Variants in CCR1 observed in about 807,000 individuals in gnomAD.
CCR1 encodes the protein C-C chemokine receptor type 1.
A neutral mutation model predicts 0.3 loss-of-function variants in CCR1; 1 was observed. That is an observed-to-expected ratio of 3.70 (90% CI 1.31 to 17.54). CCR1 has a LOEUF of 17.54. Ranked by LOEUF, CCR1 falls within the 30% of genes most tolerant of loss-of-function variation. The pLI is 0.11. For synonymous variants in CCR1, 207 were observed against 182.5 expected (o/e 1.13, Z -1.08); for missense variants, 349 against 435.4 (o/e 0.80, Z 1.77).
At chr3:46,205,504 T>G (rs992578095) in intron 1 of CCR1, among the ~76,000 whole-genome samples, 3 of 152,166 alleles carry the variant, frequency 2.0e-5, no homozygotes, top group Non-Finnish European at 4.4e-5. Flanking sequence ...CAAAAAAGAA[T>G]CACTCTGTAG....
rs1239001837 is a variant in CCR1 at position 46,203,542 on chromosome 3, T to G, written c.772A>C (p.Thr258Pro). The change falls in exon 2 of 2, where the codon ACT becomes CCT. Residue 258 changes from threonine to proline, a missense_variant. Coordinates refer to ENST00000296140, the MANE Select transcript of CCR1 (RefSeq NM_001295.3). This position sits in a 1 kb window ranked among gnomAD's most constrained non-coding sequence, Gnocchi z 4.5. ...TCTTGGAAAACAGAAATAAGTATAG[T>G]CAAATTGTAGGGGGTCCAAAAGAGA... is the stretch of plus-strand genomic sequence containing the variant. The part of the protein sequence containing the change: ...FFLFWTPYNL[T>P]ILISVFQDFL... 1.2e-6 allele frequency: 2 copies of G among 1,613,860 alleles called. No individual in the cohort carries two copies. The highest frequency in any genetic ancestry group is 3.3e-5 in the Admixed American group (2 of 59,986).
Position 46,204,319 on chromosome 3 carries a change from C to T in CCR1, c.-6G>A, listed in dbSNP as rs1699627890. ...GTGGTGTTTGGAGTTTCCATCCCGG[C>T]TTCTCCTACAGGTTAAAAAAAAAAA... is the stretch of plus-strand genomic sequence containing the variant. On this transcript the variant is annotated 5_prime_UTR_variant, in exon 2 of 2. Transcript: ENST00000296140. 1 of 1,538,818 alleles carries T rather than the reference C, an allele frequency of 6.5e-7. No individual in the cohort carries two copies. The highest frequency in any genetic ancestry group is 8.7e-7 in the Non-Finnish European group (1 of 1,143,888).
In CCR1 at chr3:46,204,041, G is replaced by A. The variant is rs570245777; in HGVS notation, c.273C>T (p.Ile91=). 9 of 1,614,168 alleles carry A rather than the reference G, an allele frequency of 5.6e-6. No homozygotes were observed. Among genetic ancestry groups the A allele is most frequent in the African/African-American group, 4.0e-5 (3 of 75,020 alleles). Residue 91 remains isoleucine, a synonymous_variant, in exon 2 of 2, where the codon ATC becomes ATT. Coordinates refer to ENST00000296140, the MANE Select transcript of CCR1 (RefSeq NM_001295.3). ...LLFLFTLPFW[I]DYKLKDDWVF... ...CCCAGTCATCCTTCAACTTGTAGTC[G>A]ATCCAGAAGGGAAGCGTGAACAGGA... is the stretch of plus-strand genomic sequence containing the variant.
chr3:46,204,556 G>A (rs1012770478), intron 1 of CCR1, among the ~76,000 whole-genome samples: 1 of 152,112 alleles, frequency 6.6e-6, no homozygotes, highest in Non-Finnish European at 1.5e-5. Context: ...ATAAGTAAAT[G>A]AGTGCACAAA....
Position 46,203,267 on chromosome 3 carries a change from A to G in CCR1, c.1047T>C (p.His349=). ...VSSTSPSTGE[H]ELSAGF ...TGAGTCAGAACCCAGCAGAGAGTTC[A>G]TGCTCCCCTGTGGAGGGAGATGTGG... The change falls in exon 2 of 2, where the codon CAT becomes CAC. Residue 349 remains histidine, a synonymous_variant. Transcript: ENST00000296140. This position sits in a 1 kb window ranked among gnomAD's most constrained non-coding sequence, Gnocchi z 4.5. 4 of 1,613,702 alleles carry G rather than the reference A, an allele frequency of 2.5e-6. No individual in the cohort carries two copies. Among genetic ancestry groups the G allele is most frequent in the Non-Finnish European group, 3.4e-6 (4 of 1,179,740 alleles).
Position 46,203,790 on chromosome 3 carries a change from T to C in CCR1, c.524A>G (p.Gln175Arg). 1 of 1,614,074 alleles carries C rather than the reference T, an allele frequency of 6.2e-7. No homozygotes were observed. The highest frequency in any genetic ancestry group is 8.5e-7 in the Non-Finnish European group (1 of 1,180,002). ...SMPGLYFSKTQWEFTHHTCSL... is the reference protein window; with the variant it reads ...SMPGLYFSKTRWEFTHHTCSL... ...GCAGGTGTGGTGAGTGAATTCCCAT[T>C]GGGTCTTGGAAAAGTATAAGCCTGG... The change falls in exon 2 of 2, where the codon CAA (glutamine) becomes CGA (arginine). Residue 175 changes from glutamine (Q) to arginine (R), a missense_variant. Coordinates refer to ENST00000296140, the MANE Select transcript of CCR1 (RefSeq NM_001295.3). This position sits in a 1 kb window ranked among gnomAD's most constrained non-coding sequence, Gnocchi z 4.5.
chr3:46,203,746 C>T lies in CCR1; in HGVS notation c.568G>A (p.Glu190Lys), dbSNP rs370179296. ...HHTCSLHFPH[E>K]SLREWKLFQA... ...AACAGCTTCCACTCTCGTAGGCTTTCGTGAGGAAAGTGAAGGCTGCAGGTG... is the reference window on the plus strand; with the variant it reads ...AACAGCTTCCACTCTCGTAGGCTTTTGTGAGGAAAGTGAAGGCTGCAGGTG... The change falls in exon 2 of 2, where the codon GAA (glutamate) becomes AAA (lysine). Residue 190 changes from glutamate to lysine, a missense_variant. Coordinates refer to ENST00000296140, the MANE Select transcript of CCR1 (RefSeq NM_001295.3). The surrounding 1 kb of genome is among the most constrained non-coding windows in gnomAD (Gnocchi z 4.5). 9 of 1,613,948 alleles carry T rather than the reference C, an allele frequency of 5.6e-6. No individual in the cohort carries two copies. The highest frequency in any genetic ancestry group is 7.6e-6 in the Non-Finnish European group (9 of 1,180,008).
intron 1 of CCR1, among the ~76,000 whole-genome samples, chr3:46,207,642 C>A (rs934894629): frequency 2.6e-5 from 3 of 115,608 alleles, no homozygotes; most frequent in African/African-American, 9.4e-5. Flanking sequence ...GGGAATTTGG[C>A]AAGCAATTTT....
rs1439362542 is a variant in CCR1, at chr3:46,203,543, C to G, written c.771G>C (p.Leu257Phe). The change falls in exon 2 of 2, where the codon TTG becomes TTC. Residue 257 changes from leucine to phenylalanine, a missense_variant. Physicochemically the swap from Leu to Phe is conservative, Grantham distance 22. Coordinates refer to ENST00000296140, the MANE Select transcript of CCR1 (RefSeq NM_001295.3). This position sits in a 1 kb window ranked among gnomAD's most constrained non-coding sequence, Gnocchi z 4.5. Reference sequence around the variant, plus strand: ...CTTGGAAAACAGAAATAAGTATAGTCAAATTGTAGGGGGTCCAAAAGAGAA... The same window carrying G: ...CTTGGAAAACAGAAATAAGTATAGTGAAATTGTAGGGGGTCCAAAAGAGAA... ...IFFLFWTPYN[L>F]TILISVFQDF... The G allele has an allele frequency of 6.2e-7, 1 of 1,614,066 alleles. No homozygotes were observed. Among genetic ancestry groups the G allele is most frequent in the Admixed American group, 1.7e-5 (1 of 60,024 alleles).
In CCR1 at chr3:46,203,929, T is replaced by C. The variant is rs763369579; in HGVS notation, c.385A>G (p.Ile129Val). The change falls in exon 2 of 2, where the codon ATT becomes GTT. Residue 129 changes from isoleucine to valine, a missense_variant. By Grantham distance (29) the Ile-to-Val change is conservative. Coordinates refer to ENST00000296140, the MANE Select transcript of CCR1 (RefSeq NM_001295.3). This position sits in a 1 kb window ranked among gnomAD's most constrained non-coding sequence, Gnocchi z 4.5. ...TGGACGATGGCCAGGTACCTGTCAA[T>C]CGTCAGCAGGATGATGAAAAAGATC... ...SEIFFIILLT[I>V]DRYLAIVHAV... 1 of 1,614,124 alleles carries C rather than the reference T, an allele frequency of 6.2e-7. No individual in the cohort carries two copies. The highest frequency in any genetic ancestry group is 1.1e-5 in the South Asian group (1 of 91,070).
intron 1 of CCR1, among the ~76,000 whole-genome samples, chr3:46,206,168 C>T (rs1013379469): frequency 1.3e-5 from 2 of 152,168 alleles, no homozygotes; most frequent in Non-Finnish European, 2.9e-5. Flanking sequence ...CTTCCTTCTA[C>T]TCTCCTTAAG....
intron 1 of CCR1, among the ~76,000 whole-genome samples, chr3:46,205,934 C>T (rs1400903733): frequency 6.6e-6 from 1 of 152,116 alleles, no homozygotes; most frequent in Non-Finnish European, 1.5e-5. Flanking sequence ...CCCTGGCTGG[C>T]TGGTATACCC....
chr3:46,204,345 A>AG, intron 1 of CCR1, 21 bp from the exon 2 acceptor site: 1 of 1,453,554 alleles, frequency 6.9e-7, no homozygotes, highest in Non-Finnish European at 9.2e-7. Flanking sequence ...AAAAAAAAAA[A>AG]AAGATTTGTC....
rs1699598030 is a variant in CCR1, at chr3:46,201,823, T to C, written c.*1423A>G. On this transcript the variant is annotated 3_prime_UTR_variant, in exon 2 of 2. Coordinates refer to ENST00000296140, the MANE Select transcript of CCR1 (RefSeq NM_001295.3). ...TCCATCATTGTTATTATCATAAATATGCACCCAACAAAAAACAAACTAAAA... is the reference window on the plus strand; with the variant it reads ...TCCATCATTGTTATTATCATAAATACGCACCCAACAAAAAACAAACTAAAA... 1 of 152,140 alleles carries C rather than the reference T, an allele frequency of 6.6e-6. No homozygotes were observed. Among genetic ancestry groups the C allele is most frequent in the African/African-American group, 2.4e-5 (1 of 41,426 alleles). The allele number at this position is 152,140 out of a possible 1,614,324, so 9.4% of individuals were successfully genotyped here. A position where few individuals can be genotyped will look rare whatever the true frequency, so the allele number is the denominator to read the frequency against.
rs181920971 is a variant in CCR1, at chr3:46,203,359, G to C, written c.955C>G (p.Arg319Gly). 4.3e-6 allele frequency: 7 copies of C among 1,614,068 alleles called. No homozygotes were observed. The Admixed American group carries it at 1.2e-4, about 27-fold the overall frequency. The change falls in exon 2 of 2, where the codon CGT becomes GGT. Residue 319 changes from arginine (R) to glycine (G), a missense_variant. Arg to Gly is a moderately radical substitution (Grantham distance 125, BLOSUM62 -2). Transcript: ENST00000296140. The surrounding 1 kb of genome is among the most constrained non-coding windows in gnomAD (Gnocchi z 4.5). Reference protein sequence around the residue: ...RKYLRQLFHRRVAVHLVKWLP... With the variant: ...RKYLRQLFHRGVAVHLVKWLP... ...CATTTAACCAGGTGCACAGCCACAC[G>C]CCTGTGGAACAACTGCCGCAGGTAC...
rs1330694261 is a variant in CCR1 at position 46,203,930 on chromosome 3, C to T, written c.384G>A (p.Thr128=). 14 of 1,614,114 alleles carry T rather than the reference C, an allele frequency of 8.7e-6. No homozygotes were observed. Among genetic ancestry groups the T allele is most frequent in the South Asian group, 2.2e-5 (2 of 91,058 alleles). The change falls in exon 2 of 2, where the codon ACG becomes ACA. Residue 128 remains threonine (T), a synonymous_variant. Transcript: ENST00000296140. This position sits in a 1 kb window ranked among gnomAD's most constrained non-coding sequence, Gnocchi z 4.5. ...YSEIFFIILL[T]IDRYLAIVHA... ...GGACGATGGCCAGGTACCTGTCAAT[C>T]GTCAGCAGGATGATGAAAAAGATCT...
In CCR1 at chr3:46,203,377, G is replaced by A. The variant is rs745406212; in HGVS notation, c.937C>T (p.Arg313Trp). 12 of 1,613,938 alleles carry A rather than the reference G, an allele frequency of 7.4e-6. No homozygotes were observed. Among genetic ancestry groups the A allele is most frequent in the East Asian group, 2.2e-5 (1 of 44,884 alleles). The change falls in exon 2 of 2, where the codon CGG (arginine) becomes TGG (tryptophan). Residue 313 changes from arginine to tryptophan, a missense_variant. Arg to Trp is a moderately radical substitution (Grantham distance 101). Coordinates refer to ENST00000296140, the MANE Select transcript of CCR1 (RefSeq NM_001295.3). This position sits in a 1 kb window ranked among gnomAD's most constrained non-coding sequence, Gnocchi z 4.5. The stretch of plus-strand genomic sequence containing the variant: ...GCCACACGCCTGTGGAACAACTGCC[G>A]CAGGTACTTCCGGAACCTCTCACCA... ...FVGERFRKYLRQLFHRRVAVH... is the reference protein window; with the variant it reads ...FVGERFRKYLWQLFHRRVAVH...
At chr3:46,207,828 A>T (rs1699660234) in intron 1 of CCR1, among the ~76,000 whole-genome samples, 1 of 152,014 alleles carries the variant, frequency 6.6e-6, no homozygotes, top group South Asian at 2.1e-4. Context: ...TTTTTAGTAG[A>T]GACAGGGTTT....
Position 46,203,855 on chromosome 3 carries a change from G to A in CCR1, c.459C>T (p.Thr153=). The change falls in exon 2 of 2, where the codon ACC becomes ACT. Residue 153 remains threonine (T), a synonymous_variant. Transcript: ENST00000296140. This position sits in a 1 kb window ranked among gnomAD's most constrained non-coding sequence, Gnocchi z 4.5. ...TGGCCAGGGCCCAAATGATGATGCTGGTGATGACACCAAAAGTGACGGTCC... is the reference window on the plus strand; with the variant it reads ...TGGCCAGGGCCCAAATGATGATGCTAGTGATGACACCAAAAGTGACGGTCC... ...RARTVTFGVI[T]SIIIWALAIL... 6.2e-7 allele frequency: 1 copy of A among 1,614,216 alleles called. No homozygotes were observed. The highest frequency in any genetic ancestry group is 8.5e-7 in the Non-Finnish European group (1 of 1,180,034).
Sources: gnomAD v4.1 joint callset for allele counts (sites outside exome capture counted in the v4.1 genomes callset) on GRCh38, gnomAD v4.1.1 for gene constraint, Gnocchi (gnomAD v3.1) non-coding constraint, MANE v1.5 for transcripts, NCBI Gene and HGNC (gene_info 2026-07-23, HGNC 2026-07-21) for gene names.